The following FAM241A variants were observed in gnomAD, a reference collection of about 807,000 sequenced individuals.
FAM241A encodes uncharacterized protein FAM241A.
In FAM241A, 7 loss-of-function variants were observed where a neutral mutation model predicts 12.2. The ratio of observed to expected loss-of-function variants is 0.58; its 90% CI spans 0.33 to 1.08. The LOEUF (loss-of-function observed/expected upper bound fraction) is 1.08. FAM241A is among the 50% of genes least tolerant of loss of function. The probability of loss-of-function intolerance (pLI) is 0.04; values close to 1 mark genes in which losing one functional copy is unlikely to be tolerated. For synonymous variants in FAM241A, 74 were observed against 68.2 expected (o/e 1.08, Z -0.42); for missense variants, 161 against 169.7 (o/e 0.95, Z 0.29).
intron 1 of FAM241A, among the ~76,000 whole-genome samples, chr4:112,154,422 C>T (rs980768865): frequency 6.6e-6 from 1 of 152,056 alleles, no homozygotes; most frequent in Non-Finnish European, 1.5e-5. Flanking sequence ...TGCATACTAC[C>T]ATGCCTGGCT....
intron 1 of FAM241A, among the ~76,000 whole-genome samples, chr4:112,173,394 G>A (rs1341743571): frequency 1.3e-5 from 2 of 152,000 alleles, no homozygotes; most frequent in Non-Finnish European, 2.9e-5. Flanking sequence ...AGCAACTAAG[G>A]AAAAAACAGG....
At chr4:112,178,755 A>T (rs1007450505) in intron 1 of FAM241A, among the ~76,000 whole-genome samples, 1 of 152,222 alleles carries the variant, frequency 6.6e-6, no homozygotes, top group Admixed American at 6.5e-5. Flanking sequence ...CAGAGGTCTA[A>T]TATACAGAAT....
At chr4:112,175,349 GT>G (rs955049019) in intron 1 of FAM241A, among the ~76,000 whole-genome samples, 3 of 151,956 alleles carry the variant, frequency 2.0e-5, no homozygotes, top group Non-Finnish European at 2.9e-5. Flanking sequence ...CAGTTTGTTT[GT>G]TTTTTTCTCA....
At chr4:112,151,077 A>G (rs1723237547) in intron 1 of FAM241A, among the ~76,000 whole-genome samples, 1 of 152,214 alleles carries the variant, frequency 6.6e-6, no homozygotes, top group South Asian at 2.1e-4. Context: ...TCTCATACTG[A>G]AATGTGATCT....
At chr4:112,161,271 C>T (rs1578372056) in intron 1 of FAM241A, among the ~76,000 whole-genome samples, 1 of 152,122 alleles carries the variant, frequency 6.6e-6, no homozygotes, top group Admixed American at 6.5e-5. Flanking sequence ...CAAGAGCAAA[C>T]ATATTCAAAA....
At chr4:112,172,780 A>T (rs1182497404) in intron 1 of FAM241A, among the ~76,000 whole-genome samples, 3 of 152,242 alleles carry the variant, frequency 2.0e-5, no homozygotes, top group African/African-American at 7.2e-5. Context: ...TTTAAAGCCA[A>T]ATAATTATAA....
intron 1 of FAM241A, among the ~76,000 whole-genome samples, chr4:112,147,857 T>A (rs1723171324): frequency 6.6e-6 from 1 of 152,124 alleles, no homozygotes; most frequent in Non-Finnish European, 1.5e-5. Context: ...ACTAATTAGC[T>A]GGAAATGAGA....
chr4:112,187,284 T>G lies in FAM241A; in HGVS notation c.*346T>G. 5.5e-6 allele frequency: 1 copy of G among 180,828 alleles called. No homozygotes were observed. The highest frequency in any genetic ancestry group is 1.1e-5 in the Non-Finnish European group (1 of 87,058). The allele number at this position is 180,828 out of a possible 1,614,324, so 11.2% of individuals were successfully genotyped here. On this transcript the variant is annotated 3_prime_UTR_variant, in exon 2 of 2. Transcript: ENST00000309733. ...ATGGAATTCAAATCAAGCAATATAGTTCTTATAAAGAGTTCCAATAAAACA... is the reference window on the plus strand; with the variant it reads ...ATGGAATTCAAATCAAGCAATATAGGTCTTATAAAGAGTTCCAATAAAACA...
chr4:112,170,868 G>A (rs1723703917), intron 1 of FAM241A, among the ~76,000 whole-genome samples: 2 of 145,030 alleles, frequency 1.4e-5, no homozygotes, highest in Non-Finnish European at 1.5e-5. Context: ...TCTCTTAACT[G>A]GATACAGTTA....
At chr4:112,180,582 C>CT in intron 1 of FAM241A, among the ~76,000 whole-genome samples, 1 of 152,036 alleles carries the variant, frequency 6.6e-6, no homozygotes, top group East Asian at 1.9e-4. Context: ...TCATTGCTGA[C>CT]TGATACATTT....
intron 1 of FAM241A, among the ~76,000 whole-genome samples, chr4:112,149,447 G>A (rs1040256834): frequency 1.3e-5 from 2 of 152,230 alleles, no homozygotes; most frequent in East Asian, 1.9e-4. Context: ...CCCTAACACC[G>A]CACATTGAAG....
intron 1 of FAM241A, among the ~76,000 whole-genome samples, chr4:112,149,333 A>G (rs946447592): frequency 9.2e-5 from 14 of 152,284 alleles, no homozygotes; most frequent in Middle Eastern, 3.4e-3. Context: ...ATGTTTTAAT[A>G]TAAATATAAT....
intron 1 of FAM241A, among the ~76,000 whole-genome samples, chr4:112,178,859 A>G (rs1723872866): frequency 6.6e-6 from 1 of 152,128 alleles, no homozygotes; most frequent in African/African-American, 2.4e-5. Context: ...GGAAGACATA[A>G]AAGCGGCCAT....
At chr4:112,159,984 A>G (rs1723429468) in intron 1 of FAM241A, among the ~76,000 whole-genome samples, 1 of 152,260 alleles carries the variant, frequency 6.6e-6, no homozygotes, top group Admixed American at 6.5e-5. Context: ...GAAGAATTCA[A>G]ATTATGCTTG....
rs1192069420 is a variant in FAM241A, at chr4:112,188,299, T to G, written c.*1361T>G. On this transcript the variant is annotated 3_prime_UTR_variant, in exon 2 of 2. Transcript: ENST00000309733. ...CAACAAGTAAAACATGTAGAGTGCT[T>G]GCTATCCCACTTCATAAAGCTTTTA... The G allele has an allele frequency of 6.6e-6, 1 of 152,170 alleles. No homozygotes were observed. Among genetic ancestry groups the G allele is most frequent in the Non-Finnish European group, 1.5e-5 (1 of 67,994 alleles). 9.4% of individuals were successfully genotyped at this position (152,170 alleles called of 1,614,324 possible).
At chr4:112,171,686 C>T (rs773300332) in intron 1 of FAM241A, among the ~76,000 whole-genome samples, 5 of 152,008 alleles carry the variant, frequency 3.3e-5, no homozygotes, top group Admixed American at 6.6e-5. Flanking sequence ...GGTGAAACCT[C>T]GTCTCTACTA....
At chr4:112,165,538 C>A (rs938484122) in intron 1 of FAM241A, among the ~76,000 whole-genome samples, 1 of 152,236 alleles carries the variant, frequency 6.6e-6, no homozygotes, top group Admixed American at 6.5e-5. Context: ...ATAAAGAAAA[C>A]GTGGTACTTA....
At chr4:112,156,009 C>T (rs1364613155) in intron 1 of FAM241A, among the ~76,000 whole-genome samples, 1 of 152,156 alleles carries the variant, frequency 6.6e-6, no homozygotes, top group East Asian at 1.9e-4. Context: ...GATTCAAACC[C>T]ATGCTTAAAA....
rs548465273 is a variant in FAM241A at position 112,145,565 on chromosome 4, A to G, written c.-16A>G. 2.4e-6 allele frequency: 3 copies of G among 1,245,814 alleles called. No individual in the cohort carries two copies. Among genetic ancestry groups the G allele is most frequent in the Admixed American group, 3.7e-5 (1 of 27,098 alleles). The allele number at this position is 1,245,814 out of a possible 1,614,324, so 77.2% of individuals were successfully genotyped here. On this transcript the variant is annotated 5_prime_UTR_variant, in exon 1 of 2. Transcript: ENST00000309733. Reference sequence around the variant, plus strand: ...TCCTCCGGCGGCTGTCCGGGGCGGTAGGAGTTGGCTGCGGGATGTGCTCAG... The same window carrying G: ...TCCTCCGGCGGCTGTCCGGGGCGGTGGGAGTTGGCTGCGGGATGTGCTCAG...
Sources: gnomAD v4.1 joint callset for allele counts (sites outside exome capture counted in the v4.1 genomes callset) on GRCh38, gnomAD v4.1.1 for gene constraint, MANE v1.5 for transcripts, NCBI Gene and HGNC (gene_info 2026-07-23, HGNC 2026-07-21) for gene names.